Variants in RBPJ observed in about 807,000 individuals in gnomAD.
RBPJ encodes the protein recombining binding protein suppressor of hairless.
In RBPJ, 9 loss-of-function variants were observed where a neutral mutation model predicts 67.8. The ratio of observed to expected loss-of-function variants is 0.13; its 90% CI spans 0.08 to 0.23. The LOEUF (loss-of-function observed/expected upper bound fraction) is 0.23, where lower values mean the gene tolerates loss of function less well. RBPJ is among the 10% of genes least tolerant of loss of function. RBPJ has a pLI of 1.00. For missense variants in RBPJ, 305 were observed against 595.6 expected, an observed-to-expected ratio of 0.51 and a Z score of 5.08; for synonymous variants, 198 against 203.3, an observed-to-expected ratio of 0.97 and a Z score of 0.22.
intron 1 of RBPJ, among the ~76,000 whole-genome samples, chr4:26,168,969 C>T (rs908294308): frequency 7.9e-5 from 12 of 152,182 alleles, no homozygotes; most frequent in South Asian, 4.1e-4. Flanking sequence ...GTTATACATT[C>T]GTCTAAATAT....
chr4:26,133,384 A>AG, the RBPJ span, among the ~76,000 whole-genome samples: 2 of 152,192 alleles, frequency 1.3e-5, no homozygotes, highest in East Asian at 1.9e-4. Context: ...GACCAGCCTG[A>AG]GCAACAGGCA....
At chr4:26,233,560 A>G (rs1719360267) in intron 1 of RBPJ, among the ~76,000 whole-genome samples, 1 of 152,048 alleles carries the variant, frequency 6.6e-6, no homozygotes, top group Non-Finnish European at 1.5e-5. Flanking sequence ...TTCTCATTTT[A>G]GTTTTCTGTT....
chr4:26,122,250 T>A, the RBPJ span, among the ~76,000 whole-genome samples: 1 of 152,324 alleles, frequency 6.6e-6, no homozygotes, highest in South Asian at 2.1e-4. Context: ...ATTTGCACCC[T>A]AGATCAAGCC....
chr4:26,180,171 TG>T (rs2109127216), intron 1 of RBPJ, among the ~76,000 whole-genome samples: 1 of 152,110 alleles, frequency 6.6e-6, no homozygotes, highest in South Asian at 2.1e-4. Context: ...GGGATCTTTT[TG>T]AGGGTGGAGG....
At chr4:26,143,773 G>C in the RBPJ span, among the ~76,000 whole-genome samples, 7 of 152,174 alleles carry the variant, frequency 4.6e-5, no homozygotes, top group Non-Finnish European at 8.8e-5. Flanking sequence ...CAAAAAAATA[G>C]GAAAATTAGC....
chr4:26,108,701 G>A, the RBPJ span, among the ~76,000 whole-genome samples: 1 of 152,222 alleles, frequency 6.6e-6, no homozygotes, highest in Non-Finnish European at 1.5e-5. Flanking sequence ...AACCAGCTAT[G>A]TTCTGGTAAG....
intron 1 of RBPJ, among the ~76,000 whole-genome samples, chr4:26,204,301 G>A (rs1718092467): frequency 1.3e-5 from 2 of 152,060 alleles, no homozygotes. Context: ...CATAGTTTTT[G>A]CACTCAAAAA....
intron 1 of RBPJ, among the ~76,000 whole-genome samples, chr4:26,309,929 G>A (rs934475052): frequency 6.6e-6 from 1 of 152,150 alleles, no homozygotes; most frequent in African/African-American, 2.4e-5. Context: ...TATTAGATTT[G>A]TACACATTCT....
chr4:26,109,938 A>G, the RBPJ span, among the ~76,000 whole-genome samples: 1 of 151,692 alleles, frequency 6.6e-6, no homozygotes, highest in East Asian at 1.9e-4. Context: ...CTTCTTCCCT[A>G]CTCTGGGATG....
chr4:26,207,534 A>G (rs995436913), intron 1 of RBPJ, among the ~76,000 whole-genome samples: 2 of 152,122 alleles, frequency 1.3e-5, no homozygotes, highest in African/African-American at 2.4e-5. Flanking sequence ...TCACTTTTCT[A>G]GTTTGGAGAA....
intron 7 of RBPJ, among the ~76,000 whole-genome samples, chr4:26,425,185 TG>T (rs1735513731): frequency 6.6e-6 from 1 of 152,214 alleles, no homozygotes; most frequent in East Asian, 1.9e-4. Context: ...GCGTAATTTT[TG>T]TTAGCTTACT....
At chr4:26,162,146 AGTG>A, upstream of RBPJ, among the ~76,000 whole-genome samples, 1 of 152,202 alleles carries the variant, frequency 6.6e-6, no homozygotes, top group Admixed American at 6.5e-5. Context: ...ATTCACTCCC[AGTG>A]GTGAAGTGGG....
chr4:26,373,117 A>G (rs1306334873), intron 1 of RBPJ, among the ~76,000 whole-genome samples: 1 of 152,240 alleles, frequency 6.6e-6, no homozygotes, highest in Non-Finnish European at 1.5e-5. Context: ...ATTGCTTTGT[A>G]TTAACACTCA....
chr4:26,279,932 T>C (rs903128584), intron 1 of RBPJ, among the ~76,000 whole-genome samples: 1 of 151,604 alleles, frequency 6.6e-6, no homozygotes, highest in East Asian at 2.0e-4. Context: ...GGACCACAGG[T>C]GCATACCATG....
chr4:26,396,201 A>G (rs1050702271), intron 2 of RBPJ, among the ~76,000 whole-genome samples: 3 of 152,248 alleles, frequency 2.0e-5, no homozygotes, highest in Non-Finnish European at 4.4e-5. Flanking sequence ...ATTAAAGCCT[A>G]AGGTTGATCT....
chr4:26,138,078 T>C, the RBPJ span, among the ~76,000 whole-genome samples: 4 of 152,314 alleles, frequency 2.6e-5, no homozygotes, highest in East Asian at 3.9e-4. Context: ...TCTGCTGCTA[T>C]AAGTTGAGAC....
chr4:26,124,864 G>A, the RBPJ span, among the ~76,000 whole-genome samples: 3 of 152,252 alleles, frequency 2.0e-5, no homozygotes, highest in Admixed American at 6.5e-5. Flanking sequence ...ATGGGACCAC[G>A]TCCCATATGC....
At chr4:26,330,110 C>A (rs531951570) in intron 1 of RBPJ, among the ~76,000 whole-genome samples, 3 of 152,244 alleles carry the variant, frequency 2.0e-5, no homozygotes, top group East Asian at 3.9e-4. Flanking sequence ...TGAACAGATA[C>A]AAGAGAACCT....
chr4:26,256,721 T>A (rs1720355288), intron 1 of RBPJ, among the ~76,000 whole-genome samples: 1 of 152,240 alleles, frequency 6.6e-6, no homozygotes, highest in Non-Finnish European at 1.5e-5. Flanking sequence ...AATTTTAATT[T>A]GATTTTAAAT....
Sources: allele counts gnomAD v4.1 joint callset (sites outside exome capture counted in the v4.1 genomes callset), GRCh38; gene constraint gnomAD v4.1.1; transcripts MANE v1.5; gene names NCBI Gene and HGNC (gene_info 2026-07-23, HGNC 2026-07-21).